The following PPP2R2C variants were observed in gnomAD, a reference collection of about 807,000 sequenced individuals.
PPP2R2C encodes protein phosphatase 2 regulatory subunit Bgamma.
In PPP2R2C, 10 loss-of-function variants were observed where a neutral mutation model predicts 45.3. That is an observed-to-expected ratio of 0.22 (90% confidence interval 0.14 to 0.37). The LOEUF (loss-of-function observed/expected upper bound fraction) is 0.37. Among genes scored for constraint, PPP2R2C ranks in the 10% least tolerant of loss-of-function variants. The pLI, the probability that PPP2R2C is intolerant of heterozygous loss-of-function variation, is 1.00. For missense variants in PPP2R2C, 308 were observed against 619.7 expected (o/e 0.50, Z 5.34); for synonymous variants, 257 against 245.4 (o/e 1.05, Z -0.44).
intron 5 of PPP2R2C, among the ~76,000 whole-genome samples, chr4:6,363,496 G>A (rs921840816): frequency 5.9e-5 from 9 of 151,894 alleles, no homozygotes; most frequent in Non-Finnish European, 7.4e-5. Flanking sequence ...GGAGAATGGC[G>A]TGAACCTGGG....
chr4:6,527,395 G>A (rs1015824770), intron 2 of PPP2R2C, among the ~76,000 whole-genome samples: 14 of 151,964 alleles, frequency 9.2e-5, no homozygotes, highest in Middle Eastern at 3.4e-3. Context: ...AGTGCCAGGC[G>A]GAACAGAACA....
intron 5 of PPP2R2C, among the ~76,000 whole-genome samples, chr4:6,358,082 A>G (rs1050300293): frequency 1.1e-4 from 16 of 152,230 alleles, no homozygotes; most frequent in African/African-American, 3.9e-4. Context: ...CTGACTTCAA[A>G]CTATGCTACA....
chr4:6,511,816 G>T (rs866720190), intron 2 of PPP2R2C, among the ~76,000 whole-genome samples: 23 of 23,766 alleles, frequency 9.7e-4, no homozygotes, highest in South Asian at 1.9e-3. Context: ...GTTGGTGGTG[G>T]TGATGGTGGT....
intron 1 of PPP2R2C, among the ~76,000 whole-genome samples, chr4:6,448,435 C>G (rs1720548323): frequency 2.0e-5 from 3 of 152,096 alleles, no homozygotes; most frequent in African/African-American, 7.2e-5. Flanking sequence ...GCTCTGGGAC[C>G]TTCCTGCCCC....
chr4:6,367,723 G>A (rs897701992), intron 5 of PPP2R2C, among the ~76,000 whole-genome samples: 3 of 152,220 alleles, frequency 2.0e-5, no homozygotes, highest in Admixed American at 6.5e-5. Flanking sequence ...TCTCTGTGGT[G>A]TGAGCCCTGG....
At chr4:6,400,773 GT>G (rs1339701789) in intron 1 of PPP2R2C, among the ~76,000 whole-genome samples, 4 of 152,238 alleles carry the variant, frequency 2.6e-5, no homozygotes, top group Non-Finnish European at 5.9e-5. Flanking sequence ...CAAAGGAGAA[GT>G]TAAGGTTGGC....
chr4:6,469,049 C>G (rs1721722466), intron 1 of PPP2R2C, among the ~76,000 whole-genome samples: 1 of 137,656 alleles, frequency 7.3e-6, no homozygotes, highest in African/African-American at 2.9e-5. Flanking sequence ...TTGAGCCCAG[C>G]CAAGAGTAAG....
chr4:6,449,280 T>C (rs762527347), intron 1 of PPP2R2C, among the ~76,000 whole-genome samples: 3 of 152,176 alleles, frequency 2.0e-5, no homozygotes, highest in Non-Finnish European at 2.9e-5. Context: ...GCCAATTGCA[T>C]GAATCAACCG....
At chr4:6,403,191 T>G (rs1717549491) in intron 1 of PPP2R2C, among the ~76,000 whole-genome samples, 1 of 152,144 alleles carries the variant, frequency 6.6e-6, no homozygotes, top group South Asian at 2.1e-4. Context: ...GGGCTGTCGC[T>G]CTCATGCAAA....
intron 1 of PPP2R2C, among the ~76,000 whole-genome samples, chr4:6,537,989 G>A (rs1038158953): frequency 1.1e-4 from 16 of 152,180 alleles, no homozygotes; most frequent in African/African-American, 3.6e-4. Context: ...GTTATGGAGA[G>A]TTGGTGTTAA....
At chr4:6,373,211 G>A (rs1321842025) in intron 4 of PPP2R2C, among the ~76,000 whole-genome samples, 1 of 152,224 alleles carries the variant, frequency 6.6e-6, no homozygotes, top group Non-Finnish European at 1.5e-5. Flanking sequence ...GAGGACCCAA[G>A]CCTTAGGGAC....
intron 5 of PPP2R2C, among the ~76,000 whole-genome samples, chr4:6,363,105 G>T (rs935494707): frequency 6.6e-6 from 1 of 152,154 alleles, no homozygotes; most frequent in Non-Finnish European, 1.5e-5. Context: ...TCACAACGGG[G>T]TCAGCACCAT....
At chr4:6,381,554 C>A in intron 1 of PPP2R2C, 1 of 1,411,362 alleles carries the variant, frequency 7.1e-7, no homozygotes. Context: ...TGCTAGGGGC[C>A]CACTCAGGGC....
chr4:6,473,015 G>A (rs970656755), upstream of PPP2R2C, among the ~76,000 whole-genome samples: 3 of 152,110 alleles, frequency 2.0e-5, no homozygotes, highest in African/African-American at 7.2e-5. Flanking sequence ...CGGGGGAGGG[G>A]AAGGACACTG....
chr4:6,494,822 G>T (rs980248797), intron 2 of PPP2R2C, among the ~76,000 whole-genome samples: 29 of 152,200 alleles, frequency 1.9e-4, no homozygotes, highest in African/African-American at 7.0e-4. Flanking sequence ...ACTGCACCCA[G>T]CTGCTGCTGC....
rs1732358191 is a variant in PPP2R2C, at chr4:6,330,930, C to A, written c.961-1577G>T. Among the ~76,000 whole-genome samples, 2 of 151,968 alleles carry A rather than the reference C, an allele frequency of 1.3e-5. No homozygotes were observed. Among genetic ancestry groups the A allele is most frequent in the South Asian group, 4.2e-4 (2 of 4,812 alleles). On this transcript the variant is annotated intron_variant, in intron 7 of 8. Coordinates refer to ENST00000382599, the MANE Select transcript of PPP2R2C (RefSeq NM_020416.4). The surrounding 1 kb of genome is among the most constrained non-coding windows in gnomAD (Gnocchi z 7.0). ...CCCCTTGGGCCCCTGGGCTGCAGCC[C>A]CACCAAGCTGAGGGTCACTGTGTTC...
rs1347705491 is a variant in PPP2R2C, at chr4:6,433,962, G to A, written c.70+38198C>T. Among the ~76,000 whole-genome samples, 5 of 152,286 alleles carry A rather than the reference G, an allele frequency of 3.3e-5. No homozygotes were observed. The East Asian group carries it at 7.7e-4, about 24-fold the overall frequency. ...CAAAGGGCACAAAAAAGCTAACAGTGAAAATAAGTCTCCCTTAGGCCCTTC... is the reference window on the plus strand; with the variant it reads ...CAAAGGGCACAAAAAAGCTAACAGTAAAAATAAGTCTCCCTTAGGCCCTTC... On this transcript the variant is annotated intron_variant, in intron 1 of 8. Transcript: ENST00000382599.
In PPP2R2C at chr4:6,502,471, T is replaced by C. The variant is rs147510364; in HGVS notation, c.49+32800A>G. Among the ~76,000 whole-genome samples the C allele has an allele frequency of 3.4e-3, 513 of 151,922 alleles. 3 individuals carry two copies. The highest frequency in any genetic ancestry group is 0.012 in the African/African-American group (478 of 41,422). On this transcript the variant is annotated intron_variant, in intron 2 of 9. Transcript: ENST00000506140. Reference sequence around the variant, plus strand: ...TCCCTCCCCTGCCCTCCTTCCCTTCTTCCTGCCCTCCCTCTGTCCCTCCCT... The same window carrying C: ...TCCCTCCCCTGCCCTCCTTCCCTTCCTCCTGCCCTCCCTCTGTCCCTCCCT...
At chr4:6,506,322 A>G (rs1396319171) in intron 2 of PPP2R2C, among the ~76,000 whole-genome samples, 5 of 152,262 alleles carry the variant, frequency 3.3e-5, no homozygotes, top group African/African-American at 9.6e-5. Context: ...ACTTTACGGA[A>G]CATAGCTACC....
Sources: gnomAD v4.1 joint callset for allele counts (sites outside exome capture counted in the v4.1 genomes callset) on GRCh38, gnomAD v4.1.1 for gene constraint, Gnocchi (gnomAD v3.1) non-coding constraint, MANE v1.5 for transcripts, NCBI Gene and HGNC (gene_info 2026-07-23, HGNC 2026-07-21) for gene names.